GPHN: variants seen among roughly 807,000 people sequenced by gnomAD.
GPHN encodes the protein gephyrin.
GPHN carries 17 observed loss-of-function variants against 95.5 expected under a neutral mutation model. The observed-to-expected ratio is 0.18, with a 90% CI of 0.12 to 0.27. GPHN has a LOEUF of 0.27. Among genes scored for constraint, GPHN ranks in the 10% least tolerant of loss-of-function variants. The probability of loss-of-function intolerance (pLI) is 1.00; values close to 1 mark genes in which losing one functional copy is unlikely to be tolerated. For synonymous variants in GPHN, 320 were observed against 322.5 expected (o/e 0.99, Z 0.08); for missense variants, 660 against 978.1 (o/e 0.67, Z 4.34).
chr14:67,632,808 ATTTTTTT>A, the GPHN span, among the ~76,000 whole-genome samples: 11 of 62,358 alleles, frequency 1.8e-4, no homozygotes, highest in East Asian at 1.6e-3. Context: ...AAGCCTCTTA[ATTTTTTT>A]TTTTTTTTTT....
chr14:66,968,580 T>C (rs902671976), intron 9 of GPHN, among the ~76,000 whole-genome samples: 6 of 152,258 alleles, frequency 3.9e-5, no homozygotes, highest in Middle Eastern at 3.4e-3. Flanking sequence ...TGATCGGTAC[T>C]AGAAAGAGCA....
intron 12 of GPHN, among the ~76,000 whole-genome samples, chr14:67,097,876 A>G (rs891722200): frequency 1.3e-5 from 2 of 152,216 alleles, no homozygotes; most frequent in African/African-American, 2.4e-5. Context: ...ACACACATAT[A>G]TAACATATAC....
chr14:66,992,098 C>T (rs576090878), intron 9 of GPHN, among the ~76,000 whole-genome samples: 1 of 152,104 alleles, frequency 6.6e-6, no homozygotes, highest in Admixed American at 6.5e-5. Context: ...TGAAAATACT[C>T]ATATGCCACA....
the GPHN span, chr14:67,574,394 G>A: frequency 6.4e-7 from 1 of 1,572,232 alleles, no homozygotes; most frequent in Non-Finnish European, 8.6e-7. The surrounding 1 kb of genome is among the most constrained non-coding windows in gnomAD (Gnocchi z 4.2). Flanking sequence ...TGAAGGGCTG[G>A]CTGACCAAGG....
chr14:66,512,459 A>C (rs970355019), intron 1 of GPHN, among the ~76,000 whole-genome samples: 3 of 151,882 alleles, frequency 2.0e-5, no homozygotes, highest in African/African-American at 7.2e-5. Flanking sequence ...ACTTAGCTGA[A>C]GATGATAATC....
chr14:66,728,875 G>T (rs2071499413), intron 2 of GPHN, among the ~76,000 whole-genome samples: 2 of 152,108 alleles, frequency 1.3e-5, no homozygotes, highest in Non-Finnish European at 2.9e-5. Context: ...GATTTAGGAG[G>T]GGTCGGGGTG....
intron 2 of GPHN, among the ~76,000 whole-genome samples, chr14:66,730,120 G>A (rs1028582736): frequency 6.6e-6 from 1 of 152,164 alleles, no homozygotes; most frequent in Non-Finnish European, 1.5e-5. Context: ...CATTTAGCTT[G>A]CTGCAATGCA....
At chr14:66,657,318 A>G (rs1471896645) in intron 1 of GPHN, among the ~76,000 whole-genome samples, 3 of 152,222 alleles carry the variant, frequency 2.0e-5, no homozygotes, top group East Asian at 1.9e-4. Context: ...GAAATAAGTC[A>G]TCTCTGTAAC....
chr14:67,574,201 T>C, the GPHN span: 1 of 1,527,418 alleles, frequency 6.5e-7, no homozygotes, highest in Non-Finnish European at 8.8e-7. The surrounding 1 kb of genome is among the most constrained non-coding windows in gnomAD (Gnocchi z 4.2). Flanking sequence ...TACTCCATTC[T>C]CCCAGCGTGC....
At chr14:66,599,732 G>A (rs2062146601) in intron 1 of GPHN, among the ~76,000 whole-genome samples, 1 of 151,688 alleles carries the variant, frequency 6.6e-6, no homozygotes, top group African/African-American at 2.4e-5. Flanking sequence ...AGAGATAGTG[G>A]ACATCCTTGT....
chr14:67,578,470 G>T, the GPHN span: 1 of 1,144,142 alleles, frequency 8.7e-7, no homozygotes, highest in East Asian at 2.5e-5. This position sits in a 1 kb window ranked among gnomAD's most constrained non-coding sequence, Gnocchi z 5.0. Flanking sequence ...TGTAGCTCAG[G>T]GCTATGAGGA....
At chr14:67,257,362 C>T in the GPHN span, among the ~76,000 whole-genome samples, 13 of 152,112 alleles carry the variant, frequency 8.5e-5, no homozygotes, top group Admixed American at 2.0e-4. Context: ...AGGTATGTAG[C>T]TTTTTATCCT....
intron 2 of GPHN, among the ~76,000 whole-genome samples, chr14:66,733,767 A>G (rs981318236): frequency 1.3e-5 from 2 of 152,230 alleles, no homozygotes; most frequent in Admixed American, 1.3e-4. Flanking sequence ...TAACTATACC[A>G]GAATTAAGGA....
rs1157802120 is a variant in GPHN at position 67,159,427 on chromosome 14, C to A, written c.1849C>A (p.Gln617Lys). ...VSMGEKDYLKQVLDIDLHAQI... is the reference protein window; with the variant it reads ...VSMGEKDYLKKVLDIDLHAQI... ...TTAATGTTTGCAGGACTATCTCAAG[C>A]AGGTGCTGGACATTGATCTTCATGC... Residue 617 changes from glutamine to lysine, a missense_variant, in exon 19 of 23, where the codon CAG (glutamine) becomes AAG (lysine). Around this residue, in one of 6 missense-constraint regions of GPHN, gnomAD observed 257 missense variants for 376.2 expected, o/e 0.68. Coordinates refer to ENST00000478722, the MANE Select transcript of GPHN (RefSeq NM_020806.5). The A allele has an allele frequency of 6.3e-6, 10 of 1,596,850 alleles. No homozygotes were observed. In the South Asian group the frequency reaches 1.1e-4, roughly 18 times the overall value.
chr14:67,240,717 C>G, the GPHN span, among the ~76,000 whole-genome samples: 1 of 152,264 alleles, frequency 6.6e-6, no homozygotes, highest in Non-Finnish European at 1.5e-5. Flanking sequence ...ACATCCAGGT[C>G]CCGAGGGCGC....
At chr14:67,535,370 CTTTTTTTTTTT>C in the GPHN span, among the ~76,000 whole-genome samples, 18 of 74,230 alleles carry the variant, frequency 2.4e-4, no homozygotes, top group East Asian at 5.3e-3. Flanking sequence ...GTGAGCACAT[CTTTTTTTTTTT>C]TTTTTTTTTT....
the GPHN span, among the ~76,000 whole-genome samples, chr14:67,663,542 T>C: frequency 5.3e-5 from 8 of 151,638 alleles, no homozygotes; most frequent in Non-Finnish European, 1.2e-4. Flanking sequence ...GGTGTGGTGG[T>C]GGGCGCCTGT....
At chr14:66,898,097 A>G (rs1371128538) in intron 5 of GPHN, among the ~76,000 whole-genome samples, 2 of 152,018 alleles carry the variant, frequency 1.3e-5, no homozygotes, top group Non-Finnish European at 2.9e-5. Context: ...TATGTGTTCT[A>G]GAAACCTGTC....
the GPHN span, among the ~76,000 whole-genome samples, chr14:67,217,189 C>T: frequency 6.6e-6 from 1 of 151,948 alleles, no homozygotes; most frequent in Non-Finnish European, 1.5e-5. Flanking sequence ...CAGTTTCTGA[C>T]ATAAATTCTG....
Sources: allele counts gnomAD v4.1 joint callset (sites outside exome capture counted in the v4.1 genomes callset), GRCh38; gene constraint gnomAD v4.1.1; regional missense constraint gnomAD v4.1.1; non-coding constraint Gnocchi (gnomAD v3.1); transcripts MANE v1.5; gene names NCBI Gene and HGNC (gene_info 2026-07-23, HGNC 2026-07-21).